The following DEUP1 variants were observed in gnomAD, a reference collection of about 807,000 sequenced individuals.
The protein encoded by DEUP1 is deuterosome assembly protein 1, also known as coiled-coil domain containing 67.
DEUP1 carries 82 observed loss-of-function variants against 87.4 expected under a neutral mutation model. That is an observed-to-expected ratio of 0.94 (90% CI 0.78 to 1.13). The LOEUF is 1.13. Among genes scored for constraint, DEUP1 ranks in the 50% most tolerant of loss-of-function variants. The pLI is 0.00. For synonymous variants in DEUP1, 214 were observed against 222.7 expected, an observed-to-expected ratio of 0.96 and a Z score of 0.35; for missense variants, 663 against 681.5, an observed-to-expected ratio of 0.97 and a Z score of 0.30.
chr11:93,385,525 C>T lies in DEUP1; in HGVS notation c.917C>T (p.Ala306Val), dbSNP rs374101537. The part of the protein sequence containing the change: ...ELLKIGECQN[A>V]QGNKTRLESS... ...TTAAAAATAGGAGAGTGCCAAAATG[C>T]TCAAGGAAATAAAACAAGGTATAAT... Residue 306 changes from alanine (A) to valine (V), a missense_variant, in exon 8 of 14, where the codon GCT (alanine) becomes GTT (valine). Coordinates refer to ENST00000298050, the MANE Select transcript of DEUP1 (RefSeq NM_181645.4). 121 of 1,604,520 alleles carry T rather than the reference C, an allele frequency of 7.5e-5. No individual in the cohort carries two copies. In the African/African-American group the frequency reaches 1.4e-3, roughly 18 times the overall value.
intron 13 of DEUP1, among the ~76,000 whole-genome samples, chr11:93,416,247 GT>G (rs1947621634): frequency 1.3e-5 from 2 of 152,044 alleles, no homozygotes; most frequent in South Asian, 4.1e-4. Flanking sequence ...CCAGGAGCTT[GT>G]TTTTTGAAAG....
At chr11:93,370,316 G>C in intron 6 of DEUP1, 130 bp downstream of exon 6, 1 of 583,396 alleles carries the variant, frequency 1.7e-6, no homozygotes, top group Admixed American at 3.3e-5. Context: ...CCAAAGGTGG[G>C]TACAGTCACA....
At chr11:93,381,377 A>G (rs1427134916) in intron 7 of DEUP1, among the ~76,000 whole-genome samples, 1 of 152,194 alleles carries the variant, frequency 6.6e-6, no homozygotes. Flanking sequence ...CACATCATAC[A>G]CATAAATGCA....
At chr11:93,338,728 G>A (rs1225800176) in intron 2 of DEUP1, among the ~76,000 whole-genome samples, 2 of 152,134 alleles carry the variant, frequency 1.3e-5, no homozygotes, top group Non-Finnish European at 2.9e-5. Flanking sequence ...TTGAATGAAT[G>A]AGTGAACTGA....
chr11:93,363,252 T>C (rs1945261863), intron 4 of DEUP1, among the ~76,000 whole-genome samples: 2 of 151,894 alleles, frequency 1.3e-5, no homozygotes, highest in Admixed American at 1.3e-4. Flanking sequence ...TCTAAAGGGA[T>C]AGCATGAAGG....
chr11:93,352,303 G>C, intron 2 of DEUP1: 1 of 700,138 alleles, frequency 1.4e-6, no homozygotes, highest in African/African-American at 1.7e-5. Context: ...TGTTCCTTAG[G>C]CTGAAGTGTA....
At chr11:93,380,644 C>A (rs1444400947) in intron 7 of DEUP1, among the ~76,000 whole-genome samples, 4 of 152,012 alleles carry the variant, frequency 2.6e-5, no homozygotes, top group Admixed American at 1.3e-4. Context: ...ACCTTGTGAT[C>A]CACCCACCTT....
chr11:93,356,011 ACCCACT>A (rs1555042624), intron 3 of DEUP1, among the ~76,000 whole-genome samples: 3 of 152,166 alleles, frequency 2.0e-5, no homozygotes, highest in Non-Finnish European at 1.5e-5. Context: ...TACCTGGGAC[ACCCACT>A]TAAGAGGAGT....
chr11:93,403,600 G>C (rs1052324565), intron 11 of DEUP1, among the ~76,000 whole-genome samples: 2 of 151,558 alleles, frequency 1.3e-5, no homozygotes, highest in Non-Finnish European at 2.9e-5. Context: ...ACTCACAAGT[G>C]ATTTATTTTA....
chr11:93,353,582 C>G (rs965397476), intron 2 of DEUP1, among the ~76,000 whole-genome samples: 17 of 152,230 alleles, frequency 1.1e-4, no homozygotes, highest in African/African-American at 4.1e-4. Context: ...GGCCCCGCCC[C>G]GAAGCAAACT....
Position 93,338,165 on chromosome 11 carries a change from C to T in DEUP1, c.29+5877C>T, listed in dbSNP as rs113480966. On this transcript the variant is annotated intron_variant, in intron 2 of 13. Coordinates refer to ENST00000298050, the MANE Select transcript of DEUP1 (RefSeq NM_181645.4). ...GACAGCAGTTAGTATAAAAGTTGTA[C>T]CCTCCTTGAACTCAAGAAGCAGAAG... Among the ~76,000 whole-genome samples the T allele has an allele frequency of 9.6e-3, 1,463 of 152,142 alleles. 10 individuals carry two copies. The highest frequency in any genetic ancestry group is 0.015 in the Non-Finnish European group (1,052 of 67,992).
In DEUP1 at chr11:93,408,282, C is replaced by G; in HGVS notation, c.1378C>G (p.Leu460Val). The G allele has an allele frequency of 6.3e-7, 1 of 1,585,254 alleles. No individual in the cohort carries two copies. Among genetic ancestry groups the G allele is most frequent in the Non-Finnish European group, 8.6e-7 (1 of 1,164,394 alleles). ...EQSRHTSINK[L>V]QYENERLRND... ...GTCAAGGCATACATCTATTAATAAA[C>G]TGCAATATGAGAATGAAAGGCTCCG... The change falls in exon 12 of 14, where the codon CTG becomes GTG. Residue 460 changes from leucine to valine, a missense_variant. Physicochemically the swap from Leu to Val is conservative, Grantham distance 32. Coordinates refer to ENST00000298050, the MANE Select transcript of DEUP1 (RefSeq NM_181645.4).
At position 93,366,442 on chromosome 11, in the gene DEUP1, G is replaced by GA. The variant is rs1945420211; in HGVS notation, c.432+2153dup. ...ATCCACTCTAAACCTTAAAGATCCA[G>GA]AAAAACTTTTCCAGCCATGAAGAAC... On this transcript the variant is annotated intron_variant, in intron 5 of 13. Transcript: ENST00000298050. Among the ~76,000 whole-genome samples the GA allele has an allele frequency of 2.0e-5, 3 of 152,252 alleles. No homozygotes were observed. In the South Asian group the frequency reaches 6.2e-4, roughly 32 times the overall value.
intron 2 of DEUP1, among the ~76,000 whole-genome samples, chr11:93,339,182 A>G (rs1034940708): frequency 6.6e-6 from 1 of 152,270 alleles, no homozygotes; most frequent in African/African-American, 2.4e-5. Context: ...AGAAAGTGTT[A>G]TAGAATGACA....
intron 13 of DEUP1, among the ~76,000 whole-genome samples, chr11:93,428,297 G>A (rs929051748): frequency 6.6e-6 from 1 of 152,072 alleles, no homozygotes; most frequent in African/African-American, 2.4e-5. Context: ...CCTCTGTAGG[G>A]ACATGGATGA....
chr11:93,332,976 C>T (rs779145204), intron 2 of DEUP1, among the ~76,000 whole-genome samples: 1 of 152,154 alleles, frequency 6.6e-6, no homozygotes, highest in Non-Finnish European at 1.5e-5. Context: ...GACTTTGGCG[C>T]TAGTCACACC....
intron 13 of DEUP1, among the ~76,000 whole-genome samples, chr11:93,431,517 G>A (rs1214949641): frequency 6.6e-6 from 1 of 152,170 alleles, no homozygotes; most frequent in Non-Finnish European, 1.5e-5. Flanking sequence ...CCATTTTAAA[G>A]TTTCAGTTAG....
At chr11:93,430,653 G>A (rs1948076092) in intron 13 of DEUP1, among the ~76,000 whole-genome samples, 1 of 152,132 alleles carries the variant, frequency 6.6e-6, no homozygotes, top group African/African-American at 2.4e-5. Context: ...AACTATTTTG[G>A]AACTAGATAG....
chr11:93,436,181 TATC>T lies in DEUP1; in HGVS notation c.1639-1361_1639-1359del, dbSNP rs1948244382. On this transcript the variant is annotated intron_variant, in intron 13 of 13. Transcript: ENST00000298050. ...TCAAGCCCCAATCTTTTATGGGGTTTATCTTTCACCTTCTGGAGTACATACATC... is the reference window on the plus strand; with the variant it reads ...TCAAGCCCCAATCTTTTATGGGGTTTTTTCACCTTCTGGAGTACATACATC... Among the ~76,000 whole-genome samples, 4 of 152,216 alleles carry T rather than the reference TATC, an allele frequency of 2.6e-5. No homozygotes were observed. The South Asian group carries it at 6.2e-4, about 24-fold the overall frequency.
Sources: gnomAD v4.1 joint callset for allele counts (sites outside exome capture counted in the v4.1 genomes callset) on GRCh38, gnomAD v4.1.1 for gene constraint, MANE v1.5 for transcripts, NCBI Gene and HGNC (gene_info 2026-07-23, HGNC 2026-07-21) for gene names.